Variants in STXBP5 observed in about 807,000 individuals in gnomAD.
The protein encoded by STXBP5 is syntaxin binding protein 5, also known as syntaxin-binding protein 5.
A neutral mutation model predicts 152.4 loss-of-function variants in STXBP5; 50 were observed. That is an observed-to-expected ratio of 0.33 (90% CI 0.26 to 0.42). STXBP5 has a LOEUF of 0.42. STXBP5 is among the 10% of genes least tolerant of loss of function. STXBP5 has a pLI of 1.00. For missense variants in STXBP5, 1,167 were observed against 1,388.6 expected (o/e 0.84, Z 2.54); for synonymous variants, 492 against 494.7 (o/e 0.99, Z 0.07).
chr6:147,245,704 T>C (rs1178971518), intron 4 of STXBP5, among the ~76,000 whole-genome samples: 2 of 152,180 alleles, frequency 1.3e-5, no homozygotes, highest in Non-Finnish European at 2.9e-5. Flanking sequence ...AATATGAGAT[T>C]ATTAAGGTGG....
chr6:147,228,645 C>T (rs932531721), intron 2 of STXBP5, among the ~76,000 whole-genome samples: 2 of 151,648 alleles, frequency 1.3e-5, no homozygotes, highest in African/African-American at 2.4e-5. Context: ...CTTACTTTTT[C>T]TTTTATATTT....
chr6:147,372,953 A>G (rs1346105578), intron 25 of STXBP5, among the ~76,000 whole-genome samples: 1 of 152,212 alleles, frequency 6.6e-6, no homozygotes, highest in East Asian at 1.9e-4. Context: ...TCTTCCTAGC[A>G]TGTGTTTATG....
At chr6:147,339,123 C>T (rs2128397283) in intron 19 of STXBP5, 56 bp from the exon 20 acceptor site, 1 of 1,378,656 alleles carries the variant, frequency 7.3e-7, no homozygotes, top group Non-Finnish European at 9.8e-7. Flanking sequence ...CTTGTTACAG[C>T]TCAGTATTTA....
At chr6:147,269,535 T>C (rs1001070540) in intron 7 of STXBP5, among the ~76,000 whole-genome samples, 4 of 151,470 alleles carry the variant, frequency 2.6e-5, no homozygotes, top group African/African-American at 7.3e-5. Context: ...AAAATGAAAA[T>C]AGAAACAGAC....
intron 4 of STXBP5, among the ~76,000 whole-genome samples, chr6:147,247,616 T>A (rs1221999867): frequency 1.3e-5 from 2 of 152,212 alleles, no homozygotes; most frequent in African/African-American, 4.8e-5. Context: ...AATAAAATTA[T>A]CCATAGTAAG....
intron 23 of STXBP5, among the ~76,000 whole-genome samples, chr6:147,361,075 T>A (rs896251899): frequency 1.3e-5 from 2 of 152,180 alleles, no homozygotes; most frequent in South Asian, 4.1e-4. Flanking sequence ...TTCTTACTAA[T>A]CTCAGTTCTT....
chr6:147,331,737 T>C (rs945357294), intron 18 of STXBP5, among the ~76,000 whole-genome samples: 2 of 149,432 alleles, frequency 1.3e-5, no homozygotes, highest in Non-Finnish European at 3.0e-5. Context: ...TATTTTCCCC[T>C]CATTTTTAAA....
chr6:147,295,959 A>G (rs935435143), intron 9 of STXBP5, among the ~76,000 whole-genome samples: 3 of 152,092 alleles, frequency 2.0e-5, no homozygotes, highest in Non-Finnish European at 2.9e-5. Flanking sequence ...TCATTCCACC[A>G]TGCTCACATG....
At chr6:147,314,663 G>T (rs750690032) in intron 14 of STXBP5, 27 bp downstream of exon 14, 2 of 1,555,234 alleles carry the variant, frequency 1.3e-6, no homozygotes, top group East Asian at 2.3e-5. Flanking sequence ...TTCATTATTT[G>T]TTATATGTTA....
At chr6:147,252,877 G>T (rs1013073205) in intron 4 of STXBP5, among the ~76,000 whole-genome samples, 1 of 152,098 alleles carries the variant, frequency 6.6e-6, no homozygotes, top group African/African-American at 2.4e-5. Context: ...TTCCACCAGA[G>T]GTACAAAGAG....
intron 22 of STXBP5, among the ~76,000 whole-genome samples, chr6:147,355,028 G>A (rs777011120): frequency 9.2e-5 from 14 of 152,164 alleles, no homozygotes; most frequent in Non-Finnish European, 1.5e-4. Flanking sequence ...CTGTTGTGCA[G>A]CTCCAGAAGC....
intron 18 of STXBP5, among the ~76,000 whole-genome samples, chr6:147,332,657 A>G (rs886329347): frequency 3.3e-5 from 5 of 152,210 alleles, no homozygotes; most frequent in Admixed American, 3.3e-4. Flanking sequence ...AACAGGATAC[A>G]GTATACTGTA....
chr6:147,207,437 G>T (rs1776624900), intron 2 of STXBP5, among the ~76,000 whole-genome samples: 1 of 152,178 alleles, frequency 6.6e-6, no homozygotes, highest in African/African-American at 2.4e-5. Flanking sequence ...GAGACGGTGT[G>T]TCTGAAGTGC....
chr6:147,340,642 C>G (rs565284461), intron 21 of STXBP5, among the ~76,000 whole-genome samples: 89 of 152,016 alleles, frequency 5.9e-4, no homozygotes, highest in African/African-American at 2.0e-3. Flanking sequence ...ATTAAATTAC[C>G]TAGGGATTTT....
intron 25 of STXBP5, among the ~76,000 whole-genome samples, chr6:147,367,056 A>G (rs1421031651): frequency 1.3e-5 from 2 of 152,234 alleles, no homozygotes; most frequent in Non-Finnish European, 2.9e-5. Context: ...ACACAAAAGG[A>G]TATTAAAACA....
intron 4 of STXBP5, among the ~76,000 whole-genome samples, chr6:147,252,512 G>A (rs1226695347): frequency 6.6e-6 from 1 of 151,848 alleles, no homozygotes; most frequent in African/African-American, 2.4e-5. Context: ...AAAGCATGAC[G>A]ACAAGATTAG....
intron 2 of STXBP5, among the ~76,000 whole-genome samples, chr6:147,229,628 T>C (rs1224835905): frequency 1.3e-5 from 2 of 151,960 alleles, no homozygotes; most frequent in African/African-American, 4.8e-5. Flanking sequence ...TTCCTTATGA[T>C]GTTATTGTAA....
rs201061681 is a variant in STXBP5, at chr6:147,329,127, A to G, written c.2080+1851A>G. Among the ~76,000 whole-genome samples the G allele has an allele frequency of 1.1e-4, 16 of 151,812 alleles. No individual in the cohort carries two copies. In the East Asian group the frequency reaches 2.3e-3, roughly 22 times the overall value. On this transcript the variant is annotated intron_variant, in intron 18 of 27. Transcript: ENST00000321680. ...CCTTTTCTCCATTATACCTTATACTAGCTTATGTAAAATTGCTAGAAATTA... is the reference window on the plus strand; with the variant it reads ...CCTTTTCTCCATTATACCTTATACTGGCTTATGTAAAATTGCTAGAAATTA...
rs1014203711 is a variant in STXBP5, at chr6:147,315,486, GTATCTGACATATAT to G, written c.1403-23_1403-10del. The G allele has an allele frequency of 7.0e-7, 1 of 1,427,224 alleles. No individual in the cohort carries two copies. The highest frequency in any genetic ancestry group is 9.7e-7 in the Non-Finnish European group (1 of 1,027,020). 88.4% of individuals were successfully genotyped at this position (1,427,224 alleles called of 1,614,324 possible). On this transcript the variant is annotated splice_polypyrimidine_tract_variant and intron_variant, in intron 14 of 27. Coordinates refer to ENST00000321680, the MANE Select transcript of STXBP5 (RefSeq NM_001127715.4). ...TTATGTTTGATCATTTTATATTAAA[GTATCTGACATATAT>G]TATCTTTTTTCCAGTAACTCTACAA...
Sources: gnomAD v4.1 joint callset for allele counts (sites outside exome capture counted in the v4.1 genomes callset) on GRCh38, gnomAD v4.1.1 for gene constraint, MANE v1.5 for transcripts, NCBI Gene and HGNC (gene_info 2026-07-23, HGNC 2026-07-21) for gene names.